Variants in ARPC2 observed in about 807,000 individuals in gnomAD.
ARPC2 encodes the protein actin related protein 2/3 complex subunit 2.
ARPC2 carries 4 observed loss-of-function variants against 38.6 expected under a neutral mutation model. The observed-to-expected ratio is 0.10, with a 90% confidence interval of 0.05 to 0.24. The LOEUF (loss-of-function observed/expected upper bound fraction) is 0.24. ARPC2 is among the 10% of genes least tolerant of loss of function. The probability of loss-of-function intolerance (pLI) is 1.00; values close to 1 mark genes in which losing one functional copy is unlikely to be tolerated. For missense variants in ARPC2, 229 were observed against 387.3 expected, an observed-to-expected ratio of 0.59 and a Z score of 3.43; for synonymous variants, 125 against 140.8, an observed-to-expected ratio of 0.89 and a Z score of 0.79.
At chr2:218,249,315 T>A in intron 8 of ARPC2, 49 bp from the exon 9 acceptor site, 1 of 1,347,718 alleles carries the variant, frequency 7.4e-7, no homozygotes, top group Non-Finnish European at 1.1e-6. Context: ...CCCCACCCTT[T>A]GGCATTTGTG....
chr2:218,245,615 C>T, intron 8 of ARPC2, 69 bp downstream of exon 8: 2 of 1,584,506 alleles, frequency 1.3e-6, no homozygotes, highest in African/African-American at 2.7e-5. Context: ...CCTAAATCTG[C>T]ACAGAACCTT....
chr2:218,224,343 T>TA (rs1376732543), intron 2 of ARPC2, among the ~76,000 whole-genome samples: 2 of 152,200 alleles, frequency 1.3e-5, no homozygotes, highest in African/African-American at 2.4e-5. Context: ...AAAAAAAACT[T>TA]ACTAAGTGAT....
At chr2:218,241,899 A>G (rs966036458) in intron 7 of ARPC2, among the ~76,000 whole-genome samples, 3 of 152,258 alleles carry the variant, frequency 2.0e-5, no homozygotes, top group African/African-American at 7.2e-5. Flanking sequence ...TGGAAATGAC[A>G]ATCGGAAACT....
chr2:218,238,588 T>A (rs1185878641), intron 5 of ARPC2, 76 bp from the exon 6 acceptor site: 4 of 940,862 alleles, frequency 4.3e-6, no homozygotes, highest in Non-Finnish European at 6.2e-6. Context: ...GATAGTATGC[T>A]GCTTTTTTTT....
Position 218,217,454 on chromosome 2 carries a change from T to TG in ARPC2, c.-8-4dup, listed in dbSNP as rs1252823637. On this transcript the variant is annotated splice_polypyrimidine_tract_variant and intron_variant, in intron 1 of 10. Coordinates refer to ENST00000315717, the MANE Select transcript of ARPC2 (RefSeq NM_152862.3). ...CACCGGCCCTTGTTTCTCCTTCCCC[T>TG]GGGGGCAGCCGCCGCCATGATCCTG... 6.2e-7 allele frequency: 1 copy of TG among 1,611,526 alleles called. No individual in the cohort carries two copies. The highest frequency in any genetic ancestry group is 8.5e-7 in the Non-Finnish European group (1 of 1,178,728).
chr2:218,246,890 A>G (rs550796674), intron 8 of ARPC2, among the ~76,000 whole-genome samples: 10 of 152,178 alleles, frequency 6.6e-5, no homozygotes, highest in South Asian at 2.1e-4. Context: ...AGGCATGGCA[A>G]TTGCTTAAAC....
At chr2:218,220,051 C>G (rs1349052466) in intron 2 of ARPC2, among the ~76,000 whole-genome samples, 1 of 152,054 alleles carries the variant, frequency 6.6e-6, no homozygotes, top group East Asian at 1.9e-4. Context: ...AGTGCTCAGC[C>G]CAGGCAGCAA....
Position 218,238,810 on chromosome 2 carries a change from G to C in ARPC2, c.415G>C (p.Glu139Gln). ...FQFQEEGKEG[E>Q]NRAVIHYRDD... ...ATTCCAAGAAGAGGGCAAGGAAGGAGAGAACAGGGCAGTTATCCATTATAG... is the reference window on the plus strand; with the variant it reads ...ATTCCAAGAAGAGGGCAAGGAAGGACAGAACAGGGCAGTTATCCATTATAG... The change falls in exon 6 of 11, where the codon GAG becomes CAG. Residue 139 changes from glutamate (E) to glutamine (Q), a missense_variant. Glu to Gln is a conservative substitution (Grantham distance 29). Transcript: ENST00000315717. The C allele has an allele frequency of 6.2e-7, 1 of 1,614,020 alleles. No individual in the cohort carries two copies. The highest frequency in any genetic ancestry group is 8.5e-7 in the Non-Finnish European group (1 of 1,179,962).
chr2:218,242,295 T>C (rs1689934133), intron 7 of ARPC2, among the ~76,000 whole-genome samples: 1 of 152,226 alleles, frequency 6.6e-6, no homozygotes, highest in Non-Finnish European at 1.5e-5. Context: ...ATAGGACCAG[T>C]AATTATGCTT....
chr2:218,221,460 AC>A (rs931316853), intron 2 of ARPC2, among the ~76,000 whole-genome samples: 4 of 152,196 alleles, frequency 2.6e-5, no homozygotes, highest in Admixed American at 2.0e-4. Flanking sequence ...CAGTAAGAAG[AC>A]CTGGTTGGTC....
chr2:218,248,074 C>T (rs899777266), intron 8 of ARPC2, among the ~76,000 whole-genome samples: 2 of 152,138 alleles, frequency 1.3e-5, no homozygotes, highest in Non-Finnish European at 2.9e-5. Flanking sequence ...GCCACTGCGC[C>T]CAGCCAGCTA....
At chr2:218,243,324 C>T (rs1338399893) in intron 7 of ARPC2, among the ~76,000 whole-genome samples, 1 of 152,152 alleles carries the variant, frequency 6.6e-6, no homozygotes, top group African/African-American at 2.4e-5. Flanking sequence ...ATCTGATGCT[C>T]AAAAGACATC....
chr2:218,221,383 G>A (rs1338113925), intron 2 of ARPC2, among the ~76,000 whole-genome samples: 1 of 152,242 alleles, frequency 6.6e-6, no homozygotes, highest in African/African-American at 2.4e-5. Context: ...GAGACAGGCT[G>A]TTTGGAGTGA....
intron 2 of ARPC2, among the ~76,000 whole-genome samples, chr2:218,220,269 A>G (rs1323546649): frequency 2.0e-5 from 3 of 152,218 alleles, no homozygotes; most frequent in Non-Finnish European, 4.4e-5. Context: ...GAATAAACCG[A>G]TGGGGGAAAT....
At chr2:218,226,244 A>C (rs1200015003) in intron 3 of ARPC2, among the ~76,000 whole-genome samples, 1 of 151,662 alleles carries the variant, frequency 6.6e-6, no homozygotes, top group Non-Finnish European at 1.5e-5. Context: ...GTGAGCTGAG[A>C]TCACACCACT....
intron 3 of ARPC2, among the ~76,000 whole-genome samples, chr2:218,228,524 G>C (rs1335485721): frequency 6.6e-6 from 1 of 152,238 alleles, no homozygotes; most frequent in Non-Finnish European, 1.5e-5. Context: ...GGAAAGAATA[G>C]CTTTGTAATT....
chr2:218,240,443 G>A (rs1439492495), intron 7 of ARPC2, among the ~76,000 whole-genome samples: 1 of 152,146 alleles, frequency 6.6e-6, no homozygotes, highest in Non-Finnish European at 1.5e-5. Context: ...GGCTGCTCTT[G>A]GTTTGGTCCT....
intron 4 of ARPC2, among the ~76,000 whole-genome samples, chr2:218,230,281 T>C (rs1559477635): frequency 7.1e-6 from 1 of 140,094 alleles, no homozygotes; most frequent in Non-Finnish European, 1.5e-5. Flanking sequence ...CTTTTCTTTT[T>C]TTTTTCTTTT....
chr2:218,230,311 T>TG (rs1689604819), intron 4 of ARPC2, among the ~76,000 whole-genome samples: 7 of 110,316 alleles, frequency 6.3e-5, no homozygotes, highest in African/African-American at 3.0e-4. Context: ...TTTTTTTTTT[T>TG]GACAAGGTCT....
Sources: gnomAD v4.1 joint callset for allele counts (sites outside exome capture counted in the v4.1 genomes callset) on GRCh38, gnomAD v4.1.1 for gene constraint, MANE v1.5 for transcripts, NCBI Gene and HGNC (gene_info 2026-07-23, HGNC 2026-07-21) for gene names.